Variants in HOOK1 observed in about 807,000 individuals in gnomAD.
HOOK1 encodes the protein hook microtubule tethering protein 1.
In HOOK1, 60 loss-of-function variants were observed where a neutral mutation model predicts 112.8. That is an observed-to-expected ratio of 0.53 (90% CI 0.43 to 0.66). The LOEUF (loss-of-function observed/expected upper bound fraction) is 0.66. Among genes scored for constraint, HOOK1 ranks in the 30% least tolerant of loss-of-function variants. The pLI, the probability that HOOK1 is intolerant of heterozygous loss-of-function variation, is 0.00. For missense variants in HOOK1, 770 were observed against 856.0 expected (o/e 0.90, Z 1.25); for synonymous variants, 294 against 283.8 (o/e 1.04, Z -0.36).
chr1:59,835,657 G>T (rs1252551547), intron 6 of HOOK1, among the ~76,000 whole-genome samples: 1 of 152,052 alleles, frequency 6.6e-6, no homozygotes, highest in East Asian at 1.9e-4. Flanking sequence ...TAAATCAGTG[G>T]TCCTCAACCT....
chr1:59,823,131 T>C (rs966505400), intron 2 of HOOK1, among the ~76,000 whole-genome samples: 1 of 152,156 alleles, frequency 6.6e-6, no homozygotes, highest in Non-Finnish European at 1.5e-5. Context: ...CCATCCTGGC[T>C]AACATGGTGA....
At chr1:59,858,607 C>T (rs983379756) in intron 13 of HOOK1, 92 bp downstream of exon 13, 22 of 831,590 alleles carry the variant, frequency 2.6e-5, no homozygotes, top group East Asian at 1.5e-4. Context: ...GTCATGGTGG[C>T]GCATGCCTAT....
At chr1:59,816,036 G>C (rs925087698) in intron 1 of HOOK1, among the ~76,000 whole-genome samples, 1 of 152,134 alleles carries the variant, frequency 6.6e-6, no homozygotes, top group African/African-American at 2.4e-5. Flanking sequence ...CCCATATTGA[G>C]TAAAGATGGT....
intron 9 of HOOK1, among the ~76,000 whole-genome samples, chr1:59,845,839 C>T (rs2098403487): frequency 1.3e-5 from 2 of 151,810 alleles, no homozygotes; most frequent in Non-Finnish European, 2.9e-5. Flanking sequence ...CTTGTAATGT[C>T]TTGTTCAGGA....
intron 2 of HOOK1, among the ~76,000 whole-genome samples, chr1:59,825,239 A>T (rs1170636543): frequency 6.6e-6 from 1 of 152,230 alleles, no homozygotes; most frequent in Admixed American, 6.5e-5. Flanking sequence ...AGGGGATAGG[A>T]CTTAAACATA....
chr1:59,827,993 T>C (rs770085363), intron 2 of HOOK1, among the ~76,000 whole-genome samples: 1 of 152,198 alleles, frequency 6.6e-6, no homozygotes, highest in Non-Finnish European at 1.5e-5. Flanking sequence ...CGAGTATAGT[T>C]ATTTGTGCTT....
intron 12 of HOOK1, among the ~76,000 whole-genome samples, chr1:59,850,355 C>T (rs1044349878): frequency 6.6e-6 from 1 of 151,082 alleles, no homozygotes; most frequent in Non-Finnish European, 1.5e-5. Context: ...GTTTGCAGCA[C>T]CAAGTATTAC....
At chr1:59,832,965 A>G (rs1293081465) in intron 4 of HOOK1, among the ~76,000 whole-genome samples, 1 of 152,156 alleles carries the variant, frequency 6.6e-6, no homozygotes, top group African/African-American at 2.4e-5. Flanking sequence ...GACCAGGAAA[A>G]AAAATTAATC....
chr1:59,871,738 T>C (rs752191599), intron 21 of HOOK1, among the ~76,000 whole-genome samples: 1 of 152,240 alleles, frequency 6.6e-6, no homozygotes, highest in Non-Finnish European at 1.5e-5. Flanking sequence ...TAGGCTATTA[T>C]CTACTTTTAT....
chr1:59,856,915 C>T (rs1307621895), intron 12 of HOOK1, among the ~76,000 whole-genome samples: 1 of 152,106 alleles, frequency 6.6e-6, no homozygotes, highest in African/African-American at 2.4e-5. Flanking sequence ...GTGCACAGCC[C>T]TGTACTTGGC....
intron 16 of HOOK1, among the ~76,000 whole-genome samples, chr1:59,863,591 G>A (rs113923909): frequency 5.3e-5 from 8 of 151,986 alleles, no homozygotes; most frequent in African/African-American, 1.7e-4. Flanking sequence ...AATGATTGAG[G>A]GATTGTTGTA....
chr1:59,839,253 A>G (rs2098399651), intron 7 of HOOK1, among the ~76,000 whole-genome samples: 1 of 152,162 alleles, frequency 6.6e-6, no homozygotes, highest in Non-Finnish European at 1.5e-5. Context: ...TGGTAGCTTG[A>G]TGGGGATAGC....
chr1:59,835,272 CTATT>C, intron 5 of HOOK1, 69 bp from the exon 6 acceptor site: 1 of 806,524 alleles, frequency 1.2e-6, no homozygotes, highest in Non-Finnish European at 2.2e-6. Flanking sequence ...TTTTTATAGT[CTATT>C]AATTTGATGG....
At chr1:59,852,549 G>C (rs374239997) in intron 12 of HOOK1, among the ~76,000 whole-genome samples, 1 of 139,756 alleles carries the variant, frequency 7.2e-6, no homozygotes, top group African/African-American at 2.6e-5. Flanking sequence ...TTTTTTTCTT[G>C]GTTAGTTTAG....
intron 2 of HOOK1, among the ~76,000 whole-genome samples, chr1:59,827,501 G>A (rs1325933286): frequency 2.6e-5 from 4 of 152,086 alleles, no homozygotes; most frequent in Non-Finnish European, 4.4e-5. Context: ...TCATTAACTC[G>A]ATTCATTCAG....
intron 16 of HOOK1, 45 bp downstream of exon 16, chr1:59,862,922 T>A (rs771212143): frequency 2.8e-6 from 3 of 1,073,760 alleles, no homozygotes; most frequent in Non-Finnish European, 4.3e-6. Flanking sequence ...GTATGGCTTT[T>A]CTTTAATAGA....
intron 17 of HOOK1, 34 bp downstream of exon 17, chr1:59,864,700 G>A: frequency 7.6e-7 from 1 of 1,321,628 alleles, no homozygotes; most frequent in Non-Finnish European, 1.1e-6. Context: ...TCAAATATGA[G>A]AAGGGAGGGG....
intron 8 of HOOK1, among the ~76,000 whole-genome samples, chr1:59,841,308 A>C (rs2098400905): frequency 6.6e-6 from 1 of 152,154 alleles, no homozygotes; most frequent in Admixed American, 6.6e-5. Context: ...TTCTCTGAAA[A>C]GTGTAAGGGC....
chr1:59,868,497 T>G (rs2102075520), intron 20 of HOOK1, 146 bp downstream of exon 20: 1 of 646,812 alleles, frequency 1.5e-6, no homozygotes, highest in South Asian at 1.8e-5. Flanking sequence ...TTACAAAGCA[T>G]CTCACTGGCC....
Sources: allele counts gnomAD v4.1 joint callset (sites outside exome capture counted in the v4.1 genomes callset), GRCh38; gene constraint gnomAD v4.1.1; transcripts MANE v1.5; gene names NCBI Gene and HGNC (gene_info 2026-07-23, HGNC 2026-07-21).